EDN1: variants seen among roughly 807,000 people sequenced by gnomAD.
EDN1 encodes the protein endothelin 1, also known as endothelin-1.
A neutral mutation model predicts 21.7 loss-of-function variants in EDN1; 11 were observed. That is an observed-to-expected ratio of 0.51 (90% CI 0.32 to 0.84). The LOEUF is 0.84. EDN1 is among the 40% of genes least tolerant of loss of function. The pLI is 0.03. For synonymous variants in EDN1, 85 were observed against 90.6 expected (o/e 0.94, Z 0.35); for missense variants, 244 against 262.3 (o/e 0.93, Z 0.48).
At chr6:12,276,078 C>T in the EDN1 span, among the ~76,000 whole-genome samples, 54 of 135,836 alleles carry the variant, frequency 4.0e-4, no homozygotes, top group Non-Finnish European at 7.5e-4. Flanking sequence ...AGGAGAATGG[C>T]GTGAGCCCGG....
At chr6:12,242,955 T>C in the EDN1 span, among the ~76,000 whole-genome samples, 1 of 152,174 alleles carries the variant, frequency 6.6e-6, no homozygotes, top group African/African-American at 2.4e-5. Flanking sequence ...GAGTATTCAT[T>C]TGTATAATTA....
the EDN1 span, among the ~76,000 whole-genome samples, chr6:12,248,374 C>G: frequency 1.3e-5 from 2 of 152,168 alleles, no homozygotes; most frequent in African/African-American, 4.8e-5. Context: ...AGCTACCCAG[C>G]CTATGGTATT....
chr6:12,271,001 G>A, the EDN1 span, among the ~76,000 whole-genome samples: 1 of 152,032 alleles, frequency 6.6e-6, no homozygotes, highest in African/African-American at 2.4e-5. Context: ...TACTACTCCT[G>A]CTCTCTTTTG....
At chr6:12,273,302 G>A in the EDN1 span, among the ~76,000 whole-genome samples, 3 of 152,188 alleles carry the variant, frequency 2.0e-5, no homozygotes, top group African/African-American at 7.2e-5. Flanking sequence ...ACTCATTCAT[G>A]GAACCGCAGG....
the EDN1 span, among the ~76,000 whole-genome samples, chr6:12,261,470 T>A: frequency 1.3e-5 from 2 of 152,204 alleles, no homozygotes; most frequent in Non-Finnish European, 2.9e-5. Context: ...GATTTTTTAA[T>A]GTAATGATGG....
At chr6:12,284,944 C>T in the EDN1 span, among the ~76,000 whole-genome samples, 1 of 152,244 alleles carries the variant, frequency 6.6e-6, no homozygotes. Context: ...TCCCCTCACC[C>T]TCAAGTGGTC....
At chr6:12,230,853 G>C in the EDN1 span, among the ~76,000 whole-genome samples, 1 of 152,170 alleles carries the variant, frequency 6.6e-6, no homozygotes, top group East Asian at 1.9e-4. Flanking sequence ...TCTCTATTAA[G>C]TAACGGGGTC....
At chr6:12,258,102 T>C in the EDN1 span, among the ~76,000 whole-genome samples, 32 of 152,140 alleles carry the variant, frequency 2.1e-4, no homozygotes, top group African/African-American at 7.5e-4. Flanking sequence ...AGACAGTGTA[T>C]ACTAATTAGT....
At chr6:12,277,384 G>A in the EDN1 span, among the ~76,000 whole-genome samples, 1 of 152,208 alleles carries the variant, frequency 6.6e-6, no homozygotes, top group South Asian at 2.1e-4. Context: ...ACTGTTCTAT[G>A]TCGCCTCACA....
At chr6:12,283,958 G>T in the EDN1 span, among the ~76,000 whole-genome samples, 5 of 152,166 alleles carry the variant, frequency 3.3e-5, no homozygotes, top group Admixed American at 2.6e-4. Flanking sequence ...TGTACATAGT[G>T]TCTTCATAGC....
the EDN1 span, among the ~76,000 whole-genome samples, chr6:12,281,921 A>G: frequency 6.6e-6 from 1 of 152,324 alleles, no homozygotes; most frequent in East Asian, 1.9e-4. Context: ...ATCACTTTCA[A>G]TGTAAAGAAA....
the EDN1 span, among the ~76,000 whole-genome samples, chr6:12,240,158 C>A: frequency 6.6e-6 from 1 of 152,158 alleles, no homozygotes; most frequent in Non-Finnish European, 1.5e-5. Context: ...ACTGCAAAAG[C>A]CTTTGACCAT....
At chr6:12,245,043 A>G in the EDN1 span, among the ~76,000 whole-genome samples, 1 of 152,208 alleles carries the variant, frequency 6.6e-6, no homozygotes, top group Non-Finnish European at 1.5e-5. Flanking sequence ...TATCACCCAT[A>G]ATTATTAGTG....
the EDN1 span, among the ~76,000 whole-genome samples, chr6:12,257,899 G>A: frequency 1.3e-5 from 2 of 152,096 alleles, no homozygotes; most frequent in Non-Finnish European, 1.5e-5. Flanking sequence ...CTAGCAGGGC[G>A]TATTACCCAC....
At chr6:12,287,994 C>G (rs991229263), upstream of EDN1, among the ~76,000 whole-genome samples, 15 of 151,968 alleles carry the variant, frequency 9.9e-5, no homozygotes, top group African/African-American at 3.4e-4. Flanking sequence ...CTGTTGGAGG[C>G]GCTTGGGCAG....
upstream of EDN1, among the ~76,000 whole-genome samples, chr6:12,287,871 T>C (rs1007398972): frequency 1.3e-5 from 2 of 152,106 alleles, no homozygotes; most frequent in African/African-American, 4.8e-5. Context: ...GCATTCTTCC[T>C]TACTATTTAC....
the EDN1 span, among the ~76,000 whole-genome samples, chr6:12,270,429 T>A: frequency 6.6e-6 from 1 of 152,122 alleles, no homozygotes; most frequent in Non-Finnish European, 1.5e-5. Context: ...TATACTTCCC[T>A]CTTAGAATTG....
At chr6:12,242,162 A>G in the EDN1 span, among the ~76,000 whole-genome samples, 8 of 152,270 alleles carry the variant, frequency 5.3e-5, no homozygotes, top group African/African-American at 1.9e-4. Context: ...CATCGATACC[A>G]AAGGCTTTCT....
At chr6:12,287,688 C>CCTCTCTCTCTCTCTCT (rs757039157), upstream of EDN1, among the ~76,000 whole-genome samples, 9 of 112,656 alleles carry the variant, frequency 8.0e-5, no homozygotes, top group African/African-American at 2.8e-4. Flanking sequence ...TCTCTCTCTC[C>CCTCTCTCTCTCTCTCT]CTCTCTCTCT....
Sources: gnomAD v4.1 joint callset for allele counts (sites outside exome capture counted in the v4.1 genomes callset) on GRCh38, gnomAD v4.1.1 for gene constraint, MANE v1.5 for transcripts, NCBI Gene and HGNC (gene_info 2026-07-23, HGNC 2026-07-21) for gene names.